Variants in SLC9A2 observed in about 807,000 individuals in gnomAD.
SLC9A2 encodes solute carrier family 9 member A2, also known as sodium/hydrogen exchanger 2.
A neutral mutation model predicts 71.7 loss-of-function variants in SLC9A2; 42 were observed. The observed-to-expected ratio is 0.59, with a 90% CI of 0.46 to 0.76. The LOEUF (loss-of-function observed/expected upper bound fraction) is 0.76. Among genes scored for constraint, SLC9A2 ranks in the 30% least tolerant of loss-of-function variants. SLC9A2 has a pLI of 0.00. For synonymous variants in SLC9A2, 396 were observed against 392.5 expected (o/e 1.01, Z -0.10); for missense variants, 829 against 1,017.4 (o/e 0.81, Z 2.52).
At chr2:102,638,912 G>T (rs890365429) in intron 1 of SLC9A2, among the ~76,000 whole-genome samples, 3 of 152,184 alleles carry the variant, frequency 2.0e-5, no homozygotes, top group Non-Finnish European at 4.4e-5. Context: ...ATCCAGGAGT[G>T]ATGGCTTATG....
Position 102,646,768 on chromosome 2 carries a change from A to AATATATATATATATATATATATAT in SLC9A2, c.290-10774_290-10773insATATATATATATATATATATATAT, listed in dbSNP as rs201347551. On this transcript the variant is annotated intron_variant, in intron 1 of 11. Coordinates refer to ENST00000233969, the MANE Select transcript of SLC9A2 (RefSeq NM_003048.6). The stretch of plus-strand genomic sequence containing the variant: ...GCAGCAAGAAGAGCTAACGATCCTA[A>AATATATATATATATATATATATAT]ATATATATATATATATATATATCTC... 1.1e-3 allele frequency among the ~76,000 whole-genome samples: 142 copies of AATATATATATATATATATATATAT among 132,836 alleles called. 1 individual carries two copies. Among genetic ancestry groups the AATATATATATATATATATATATAT allele is most frequent in the African/African-American group, 3.1e-3 (99 of 32,054 alleles). The allele number at this position is 132,836 out of a possible 152,430, so 87.1% of individuals were successfully genotyped here.
chr2:102,664,999 G>T (rs751886802), intron 2 of SLC9A2, 101 bp from the exon 3 acceptor site: 40 of 1,254,676 alleles, frequency 3.2e-5, no homozygotes, highest in Non-Finnish European at 4.3e-5. Flanking sequence ...GTACACAGAA[G>T]AAATGTCCTT....
rs115127276 is a variant in SLC9A2, at chr2:102,676,299, G to A, written c.1005-6962G>A. On this transcript the variant is annotated intron_variant, in intron 3 of 11. Coordinates refer to ENST00000233969, the MANE Select transcript of SLC9A2 (RefSeq NM_003048.6). ...CTGAGGCTTTTCTTAACACTCCCCA[G>A]CTAGAATGGGGACACTCCATGGGAC... Among the ~76,000 whole-genome samples the A allele has an allele frequency of 5.7e-3, 866 of 152,258 alleles. 7 individuals carry two copies. Among genetic ancestry groups the A allele is most frequent in the African/African-American group, 0.02 (826 of 41,536 alleles).
In SLC9A2 at chr2:102,683,290, A is replaced by C. The variant is rs933583910; in HGVS notation, c.1034A>C (p.Lys345Thr). ...AITACAMTMN[K>T]YVEENVSQKS... ...ACTGCTTGTGCAATGACTATGAATA[A>C]GTACGTAGAAGAAAATGTATCTCAG... Residue 345 changes from lysine (K) to threonine (T), a missense_variant, in exon 4 of 12, where the codon AAG becomes ACG. Lys to Thr is a moderately conservative substitution (Grantham distance 78). Around this residue, in one of 3 missense-constraint regions of SLC9A2, gnomAD observed 500 missense variants for 726.3 expected, o/e 0.69. Coordinates refer to ENST00000233969, the MANE Select transcript of SLC9A2 (RefSeq NM_003048.6). 5.0e-6 allele frequency: 8 copies of C among 1,613,464 alleles called. No individual in the cohort carries two copies. In the African/African-American group the frequency reaches 6.7e-5, roughly 13 times the overall value.
chr2:102,694,816 A>G (rs1199282853), intron 6 of SLC9A2, among the ~76,000 whole-genome samples: 2 of 152,244 alleles, frequency 1.3e-5, no homozygotes, highest in South Asian at 2.1e-4. Context: ...AATTATTAAC[A>G]AACTTATAGG....
chr2:102,687,316 A>C (rs1278522158), intron 5 of SLC9A2, among the ~76,000 whole-genome samples: 4 of 152,192 alleles, frequency 2.6e-5, no homozygotes, highest in Non-Finnish European at 5.9e-5. Flanking sequence ...GCATGCACCC[A>C]CACACACAAA....
At chr2:102,640,107 C>T (rs1267318678) in intron 1 of SLC9A2, among the ~76,000 whole-genome samples, 1 of 152,232 alleles carries the variant, frequency 6.6e-6, no homozygotes, top group African/African-American at 2.4e-5. Context: ...GCTGCATTTT[C>T]ACTGCATCTG....
rs114926726 is a variant in SLC9A2, at chr2:102,653,483, G to A, written c.290-4081G>A. Among the ~76,000 whole-genome samples the A allele has an allele frequency of 9.9e-3, 1,514 of 152,270 alleles. 16 individuals are homozygous for A. Among genetic ancestry groups the A allele is most frequent in the Middle Eastern group, 0.031 (9 of 294 alleles). ...CTGCATCCTGCATTTATTTTGCCAT[G>A]TTTTATTTGCTGCTTCTTGGTTGTT... On this transcript the variant is annotated intron_variant, in intron 1 of 11. Coordinates refer to ENST00000233969, the MANE Select transcript of SLC9A2 (RefSeq NM_003048.6).
At chr2:102,624,468 T>G (rs1475780010) in intron 1 of SLC9A2, among the ~76,000 whole-genome samples, 1 of 152,214 alleles carries the variant, frequency 6.6e-6, no homozygotes, top group Non-Finnish European at 1.5e-5. Flanking sequence ...TTGCCTCCTC[T>G]GATTTCTTTG....
chr2:102,632,157 C>CAT (rs1411129470), intron 1 of SLC9A2, among the ~76,000 whole-genome samples: 2 of 111,464 alleles, frequency 1.8e-5, no homozygotes, highest in Non-Finnish European at 3.5e-5. Flanking sequence ...CATATATACA[C>CAT]ATATATACAC....
intron 1 of SLC9A2, among the ~76,000 whole-genome samples, chr2:102,655,628 C>A (rs1358134536): frequency 2.6e-5 from 4 of 152,172 alleles, no homozygotes; most frequent in Admixed American, 6.5e-5. Flanking sequence ...TTTTATGGAA[C>A]CACCATCATA....
intron 7 of SLC9A2, among the ~76,000 whole-genome samples, chr2:102,698,069 G>A (rs1677801296): frequency 6.6e-6 from 1 of 152,170 alleles, no homozygotes; most frequent in Non-Finnish European, 1.5e-5. Flanking sequence ...TGTTCTTGGT[G>A]CTTGTTCTTC....
intron 1 of SLC9A2, among the ~76,000 whole-genome samples, chr2:102,627,652 G>T (rs1436235364): frequency 6.6e-6 from 1 of 151,838 alleles, no homozygotes; most frequent in Admixed American, 6.6e-5. Flanking sequence ...GCAGGAGTTT[G>T]TCTATTTGAT....
At chr2:102,690,701 A>G (rs993298808) in intron 5 of SLC9A2, among the ~76,000 whole-genome samples, 1 of 152,006 alleles carries the variant, frequency 6.6e-6, no homozygotes, top group Non-Finnish European at 1.5e-5. Flanking sequence ...AATGCTTCTC[A>G]CTCCACCTAT....
chr2:102,657,069 G>A (rs1019468724), intron 1 of SLC9A2, among the ~76,000 whole-genome samples: 2 of 152,050 alleles, frequency 1.3e-5, no homozygotes, highest in Non-Finnish European at 1.5e-5. Context: ...GCCAGGCATG[G>A]TGGTGCGTGC....
intron 5 of SLC9A2, among the ~76,000 whole-genome samples, chr2:102,685,360 G>T (rs950536364): frequency 6.6e-6 from 1 of 152,202 alleles, no homozygotes; most frequent in Non-Finnish European, 1.5e-5. Context: ...GAAGCTTGGC[G>T]CTTCTTCAAG....
chr2:102,665,312 C>A lies in SLC9A2; in HGVS notation c.966C>A (p.Tyr322Ter), dbSNP rs755247181. 1 of 1,613,972 alleles carries A rather than the reference C, an allele frequency of 6.2e-7. No homozygotes were observed. Among genetic ancestry groups the A allele is most frequent in the Non-Finnish European group, 8.5e-7 (1 of 1,179,896 alleles). The part of the protein sequence containing the change: ...LFVFLYSYLS[Y>*]ITAEMFHLSG... ...TTTTCCTGTACAGTTATTTGTCCTACATCACAGCTGAAATGTTTCACCTCT... is the reference window on the plus strand; with the variant it reads ...TTTTCCTGTACAGTTATTTGTCCTAAATCACAGCTGAAATGTTTCACCTCT... Residue 322 changes from tyrosine (Y) to a stop codon, truncating the protein, a stop_gained, in exon 3 of 12, where the codon TAC (tyrosine) becomes TAA (stop). Transcript: ENST00000233969. LOFTEE classifies it high-confidence loss of function.
chr2:102,623,119 C>T (rs756697850), intron 1 of SLC9A2, among the ~76,000 whole-genome samples: 2 of 152,148 alleles, frequency 1.3e-5, no homozygotes, highest in Non-Finnish European at 2.9e-5. Flanking sequence ...TTGCCAGTTT[C>T]GGCTTTCCCC....
At chr2:102,702,980 T>G (rs1023357796) in intron 9 of SLC9A2, among the ~76,000 whole-genome samples, 1 of 152,178 alleles carries the variant, frequency 6.6e-6, no homozygotes, top group Non-Finnish European at 1.5e-5. Flanking sequence ...AAGCCCCATT[T>G]CAGTGTGTTG....
Sources: gnomAD v4.1 joint callset for allele counts (sites outside exome capture counted in the v4.1 genomes callset) on GRCh38, gnomAD v4.1.1 for gene constraint, gnomAD v4.1.1 regional missense constraint, MANE v1.5 for transcripts, NCBI Gene and HGNC (gene_info 2026-07-23, HGNC 2026-07-21) for gene names.